Variants in PRKCE observed in about 807,000 individuals in gnomAD.
PRKCE encodes protein kinase C epsilon.
PRKCE carries 16 observed loss-of-function variants against 85.4 expected under a neutral mutation model. The observed-to-expected ratio is 0.19, with a 90% CI of 0.13 to 0.28. PRKCE has a LOEUF of 0.28. Ranked by LOEUF, PRKCE falls within the 10% of genes least tolerant of loss-of-function variation. The pLI is 1.00. For synonymous variants in PRKCE, 388 were observed against 371.5 expected (o/e 1.04, Z -0.51); for missense variants, 573 against 975.2 (o/e 0.59, Z 5.49).
intron 1 of PRKCE, among the ~76,000 whole-genome samples, chr2:45,705,829 T>C (rs1279484451): frequency 6.6e-6 from 1 of 152,258 alleles, no homozygotes; most frequent in Non-Finnish European, 1.5e-5. Context: ...TTAAGCCTTC[T>C]GCCTGGCTTT....
intron 1 of PRKCE, among the ~76,000 whole-genome samples, chr2:45,779,322 G>T (rs574706438): frequency 1.3e-5 from 2 of 152,298 alleles, no homozygotes; most frequent in South Asian, 4.1e-4. Context: ...GAAGAAGTGG[G>T]TCTGGAGCTA....
intron 10 of PRKCE, among the ~76,000 whole-genome samples, chr2:46,039,971 C>A (rs1384048092): frequency 6.6e-6 from 1 of 152,146 alleles, no homozygotes; most frequent in African/African-American, 2.4e-5. Flanking sequence ...TGCTTGCAAG[C>A]CTGTGCTGTT....
At position 45,985,617 on chromosome 2, in the gene PRKCE, T is replaced by A. The variant is rs182955451; in HGVS notation, c.823+937T>A. Reference sequence around the variant, plus strand: ...AAATTGGTCATTGAAGGGATCCCAATGAGAAACTATGAGAATTGGAAATAA... The same window carrying A: ...AAATTGGTCATTGAAGGGATCCCAAAGAGAAACTATGAGAATTGGAAATAA... On this transcript the variant is annotated intron_variant, in intron 6 of 14. Transcript: ENST00000306156. Among the ~76,000 whole-genome samples the A allele has an allele frequency of 1.5e-4, 23 of 152,180 alleles. No individual in the cohort carries two copies. In the East Asian group the frequency reaches 4.4e-3, roughly 29 times the overall value.
At position 45,757,889 on chromosome 2, in the gene PRKCE, T is replaced by G. The variant is rs549153801; in HGVS notation, c.349-85111T>G. 8.1e-4 allele frequency among the ~76,000 whole-genome samples: 123 copies of G among 152,228 alleles called. 2 individuals carry two copies. The highest frequency in any genetic ancestry group is 6.8e-3 in the Middle Eastern group (2 of 294). ...ACATAAGGCAGGTCTTGACGGAGGTTGATGCTGGCAAAAACAAAAGGAACT... is the reference window on the plus strand; with the variant it reads ...ACATAAGGCAGGTCTTGACGGAGGTGGATGCTGGCAAAAACAAAAGGAACT... On this transcript the variant is annotated intron_variant, in intron 1 of 14. Coordinates refer to ENST00000306156, the MANE Select transcript of PRKCE (RefSeq NM_005400.3).
intron 2 of PRKCE, among the ~76,000 whole-genome samples, chr2:45,854,419 G>A (rs1692517936): frequency 6.6e-6 from 1 of 152,190 alleles, no homozygotes; most frequent in South Asian, 2.1e-4. Context: ...GGCCTCAATA[G>A]CCCTGGGCAC....
At chr2:45,980,205 C>T (rs1010089169) in intron 4 of PRKCE, 91 bp from the exon 5 acceptor site, 52 of 1,247,394 alleles carry the variant, frequency 4.2e-5, no homozygotes, top group Non-Finnish European at 5.6e-5. Context: ...GCCTGGCTCC[C>T]CTTGTCACTC....
chr2:46,070,191 G>A (rs964025331), intron 10 of PRKCE, among the ~76,000 whole-genome samples: 4 of 152,226 alleles, frequency 2.6e-5, no homozygotes, highest in East Asian at 3.8e-4. Flanking sequence ...GTCACAGGGA[G>A]AACTGTTGTG....
chr2:46,109,570 CTATTA>C (rs1284974833), intron 11 of PRKCE, among the ~76,000 whole-genome samples: 1 of 152,108 alleles, frequency 6.6e-6, no homozygotes, highest in Non-Finnish European at 1.5e-5. Context: ...TGCAACCATT[CTATTA>C]TGTTTATTAA....
At chr2:45,940,153 C>T (rs1209310826) in intron 2 of PRKCE, among the ~76,000 whole-genome samples, 1 of 152,202 alleles carries the variant, frequency 6.6e-6, no homozygotes, top group African/African-American at 2.4e-5. Flanking sequence ...TCCCTCAGAC[C>T]TCTTTTCCAG....
chr2:45,787,331 TGAGGGA>T (rs1053788021), intron 1 of PRKCE, among the ~76,000 whole-genome samples: 1 of 151,658 alleles, frequency 6.6e-6, no homozygotes, highest in African/African-American at 2.4e-5. Flanking sequence ...TAAAATGTGA[TGAGGGA>T]GAGGGAGAGA....
chr2:45,890,088 C>T (rs921934755), intron 2 of PRKCE, among the ~76,000 whole-genome samples: 22 of 152,164 alleles, frequency 1.4e-4, no homozygotes, highest in Non-Finnish European at 2.5e-4. Flanking sequence ...TCACCATTAC[C>T]GGAGATTTGA....
intron 1 of PRKCE, among the ~76,000 whole-genome samples, chr2:45,689,241 T>C (rs1190321381): frequency 6.6e-6 from 1 of 152,202 alleles, no homozygotes; most frequent in East Asian, 1.9e-4. Flanking sequence ...AAGCATGTCA[T>C]ATAAGTGAGA....
chr2:45,694,029 G>A (rs1376707255), intron 1 of PRKCE, among the ~76,000 whole-genome samples: 1 of 151,712 alleles, frequency 6.6e-6, no homozygotes, highest in East Asian at 1.9e-4. Context: ...CTTAATCCTG[G>A]GGGATGGAAT....
chr2:46,027,315 A>G (rs1707187941), intron 10 of PRKCE, among the ~76,000 whole-genome samples: 1 of 152,174 alleles, frequency 6.6e-6, no homozygotes, highest in African/African-American at 2.4e-5. Context: ...CATCCTGGGC[A>G]TCAGAGTGAG....
At chr2:46,048,677 G>T (rs1310929070) in intron 10 of PRKCE, among the ~76,000 whole-genome samples, 1 of 152,138 alleles carries the variant, frequency 6.6e-6, no homozygotes, top group Admixed American at 6.5e-5. Flanking sequence ...TATGGGTTCT[G>T]GCCAGTTCTC....
chr2:45,959,903 G>T (rs1393601609), intron 2 of PRKCE, among the ~76,000 whole-genome samples: 1 of 152,044 alleles, frequency 6.6e-6, no homozygotes, highest in Admixed American at 6.5e-5. Flanking sequence ...AATTTTCCGG[G>T]TTTTATTTGT....
chr2:45,977,628 G>T (rs970140560), intron 3 of PRKCE, among the ~76,000 whole-genome samples: 6 of 145,638 alleles, frequency 4.1e-5, no homozygotes, highest in Non-Finnish European at 9.1e-5. Context: ...GACAGAGTGA[G>T]ACTCTGTCTT....
intron 1 of PRKCE, among the ~76,000 whole-genome samples, chr2:45,738,914 T>C (rs1039460815): frequency 1.3e-5 from 2 of 152,222 alleles, no homozygotes; most frequent in Admixed American, 1.3e-4. Context: ...TTCAAAGTAA[T>C]AGGTAGTTCA....
intron 2 of PRKCE, among the ~76,000 whole-genome samples, chr2:45,855,998 C>T (rs1370076152): frequency 1.3e-5 from 2 of 152,050 alleles, no homozygotes; most frequent in Admixed American, 1.3e-4. Context: ...CGAACCCTCC[C>T]TTCCCTCAAC....
Sources: gnomAD v4.1 joint callset for allele counts (sites outside exome capture counted in the v4.1 genomes callset) on GRCh38, gnomAD v4.1.1 for gene constraint, MANE v1.5 for transcripts, NCBI Gene and HGNC (gene_info 2026-07-23, HGNC 2026-07-21) for gene names.